Variants in AIM2 observed in about 807,000 individuals in gnomAD.
AIM2 encodes absent in melanoma 2.
A neutral mutation model predicts 27.7 loss-of-function variants in AIM2; 30 were observed. The ratio of observed to expected loss-of-function variants is 1.08; its 90% CI spans 0.81 to 1.47. The LOEUF is 1.47. Ranked by LOEUF, AIM2 falls within the 40% of genes most tolerant of loss-of-function variation. The pLI is 0.00. For missense variants in AIM2, 358 were observed against 411.3 expected (o/e 0.87, Z 1.12); for synonymous variants, 141 against 145.3 (o/e 0.97, Z 0.21).
At chr1:159,140,123 G>A (rs977176504) in intron 1 of AIM2, among the ~76,000 whole-genome samples, 1 of 152,020 alleles carries the variant, frequency 6.6e-6, no homozygotes, top group East Asian at 1.9e-4. Context: ...AGGATAGGCT[G>A]AGTTAACAAT....
At chr1:159,059,556 T>G (rs1655766443), downstream of AIM2, among the ~76,000 whole-genome samples, 2 of 152,192 alleles carry the variant, frequency 1.3e-5, no homozygotes, top group South Asian at 4.1e-4. Context: ...AAAAGGACTG[T>G]TTTATACACA....
rs1656455208 is a variant in AIM2 at position 159,073,386 on chromosome 1, G to T, written c.114C>A (p.Gly38=). 9 of 1,614,044 alleles carry T rather than the reference G, an allele frequency of 5.6e-6. No homozygotes were observed. In the East Asian group the frequency reaches 2.0e-4, roughly 36 times the overall value. ...GTATTCTGTTTGCAGTATGTAGTTTGCCTGTGGCAATATTAAACTCGTCTG... is the reference window on the plus strand; with the variant it reads ...GTATTCTGTTTGCAGTATGTAGTTTTCCTGTGGCAATATTAAACTCGTCTG... ...FLSDEFNIAT[G]KLHTANRIQV... is the part of the protein sequence containing the mutation. Residue 38 remains glycine (G), a synonymous_variant, in exon 2 of 6, where the codon GGC becomes GGA. Transcript: ENST00000368130.
the AIM2 span, among the ~76,000 whole-genome samples, chr1:159,056,835 C>T: frequency 1.3e-5 from 2 of 150,682 alleles, no homozygotes; most frequent in Non-Finnish European, 1.5e-5. Context: ...TTAAACTCTT[C>T]CCAGTTTGGA....
downstream of AIM2, among the ~76,000 whole-genome samples, chr1:159,057,535 G>A (rs1655703792): frequency 6.6e-6 from 1 of 152,180 alleles, no homozygotes; most frequent in Non-Finnish European, 1.5e-5. Context: ...CCCATCACCT[G>A]GCAGGATTTT....
intron 1 of AIM2, among the ~76,000 whole-genome samples, chr1:159,120,762 C>A (rs1411730822): frequency 1.3e-5 from 2 of 152,160 alleles, no homozygotes; most frequent in Non-Finnish European, 1.5e-5. Flanking sequence ...TGGTTATGGA[C>A]ATCCAGTGTT....
At chr1:159,055,069 T>G in the AIM2 span, 3 of 388,006 alleles carry the variant, frequency 7.7e-6, no homozygotes, top group Non-Finnish European at 1.4e-5. Context: ...TTTTTCATAG[T>G]TTTTTTTTAA....
chr1:159,097,899 G>C (rs567473662), intron 1 of AIM2, among the ~76,000 whole-genome samples: 1 of 152,256 alleles, frequency 6.6e-6, no homozygotes, highest in African/African-American at 2.4e-5. Flanking sequence ...ACGCCATTCT[G>C]AGACAGTGTT....
At chr1:159,141,514 T>C (rs951193258), upstream of AIM2, among the ~76,000 whole-genome samples, 1 of 150,796 alleles carries the variant, frequency 6.6e-6, no homozygotes, top group Non-Finnish European at 1.5e-5. Flanking sequence ...AGGAAAAGGG[T>C]TTCCTTTCTC....
chr1:159,099,394 G>A (rs1341338807), intron 1 of AIM2, among the ~76,000 whole-genome samples: 1 of 152,120 alleles, frequency 6.6e-6, no homozygotes, highest in African/African-American at 2.4e-5. Flanking sequence ...AGAAACTAGA[G>A]GTGAAAGCAA....
intron 1 of AIM2, among the ~76,000 whole-genome samples, chr1:159,113,655 T>A (rs187214250): frequency 2.6e-5 from 4 of 152,334 alleles, no homozygotes; most frequent in East Asian, 3.9e-4. Context: ...TCCTCCTAAT[T>A]TTCTGATTAG....
chr1:159,076,948 A>G (rs1301916671), upstream of AIM2: 2 of 152,192 alleles, frequency 1.3e-5, no homozygotes, highest in Non-Finnish European at 2.9e-5. Context: ...CACTGATTGG[A>G]AACAGAAAGT....
intron 1 of AIM2, among the ~76,000 whole-genome samples, chr1:159,091,748 TG>T: frequency 6.6e-6 from 1 of 152,228 alleles, no homozygotes; most frequent in Admixed American, 6.5e-5. Flanking sequence ...TGAGTGTGTG[TG>T]TGTTCACTGA....
In AIM2 at chr1:159,066,272, G is replaced by T. The variant is rs149819770; in HGVS notation, c.454C>A (p.Arg152Ser). The stretch of plus-strand genomic sequence containing the variant: ...TTCAGTACCATAACTGGCAAACAGC[G>T]CTTCTGAAACCCTTCTCTGATAGAT... ...QESIREGFQKRCLPVMVLKAK... is the reference protein window; with the variant it reads ...QESIREGFQKSCLPVMVLKAK... Residue 152 changes from arginine (R) to serine (S), a missense_variant, in exon 4 of 6, where the codon CGC (arginine) becomes AGC (serine). Physicochemically the swap from Arg to Ser is moderately radical, Grantham distance 110. Transcript: ENST00000368130. 8 of 1,614,114 alleles carry T rather than the reference G, an allele frequency of 5.0e-6. No individual in the cohort carries two copies. The highest frequency in any genetic ancestry group is 6.8e-6 in the Non-Finnish European group (8 of 1,180,034).
At chr1:159,086,077 T>C (rs766586439) in intron 1 of AIM2, among the ~76,000 whole-genome samples, 2 of 152,158 alleles carry the variant, frequency 1.3e-5, no homozygotes, top group Admixed American at 1.3e-4. Context: ...GAAAGAAGGA[T>C]AGGGCTCAGA....
chr1:159,115,062 A>T (rs949469188), intron 1 of AIM2, among the ~76,000 whole-genome samples: 7 of 152,086 alleles, frequency 4.6e-5, no homozygotes, highest in Admixed American at 1.3e-4. Flanking sequence ...GAGCCAAACC[A>T]TGAGTGAACT....
rs1464182115 is a variant in AIM2 at position 159,066,323 on chromosome 1, G to A, written c.403C>T (p.Gln135Ter). 6.2e-7 allele frequency: 1 copy of A among 1,608,968 alleles called. No individual in the cohort carries two copies. Among genetic ancestry groups the A allele is most frequent in the South Asian group, 1.1e-5 (1 of 90,346 alleles). Residue 135 changes from glutamine to a stop codon, truncating the protein, a stop_gained, in exon 4 of 6, where the codon CAG becomes TAG. Transcript: ENST00000368130. LOFTEE classifies it high-confidence loss of function. Reference sequence around the variant, plus strand: ...TCCTGCTGGGCCACCATCTGTTTCTGTTCAGGCTGAAGACAAGAGAAGAAA... The same window carrying A: ...TCCTGCTGGGCCACCATCTGTTTCTATTCAGGCTGAAGACAAGAGAAGAAA... Reference protein sequence around the residue: ...PKVSPHVKPEQKQMVAQQESI... With the variant: ...PKVSPHVKPE
intron 2 of AIM2, among the ~76,000 whole-genome samples, chr1:159,070,575 T>C (rs773633657): frequency 6.6e-6 from 1 of 152,264 alleles, no homozygotes; most frequent in African/African-American, 2.4e-5. Context: ...TTATTTCTGA[T>C]AGAATTTGAA....
At position 159,062,583 on chromosome 1, in the gene AIM2, G is replaced by T; in HGVS notation, c.*109C>A. The T allele has an allele frequency of 9.7e-7, 1 of 1,031,924 alleles. No individual in the cohort carries two copies. Among genetic ancestry groups the T allele is most frequent in the Non-Finnish European group, 1.5e-6 (1 of 674,724 alleles). 63.9% of individuals were successfully genotyped at this position (1,031,924 alleles called of 1,614,324 possible). On this transcript the variant is annotated 3_prime_UTR_variant, in exon 6 of 6. Transcript: ENST00000368130. ...TAATTTGGTGGAGAGAGGAGCCTGTGAACTGCAGCTTTCAGGTAACTTACA... is the reference window on the plus strand; with the variant it reads ...TAATTTGGTGGAGAGAGGAGCCTGTTAACTGCAGCTTTCAGGTAACTTACA...
Position 159,128,410 on chromosome 1 carries a change from T to C in AIM2, c.-16+12021A>G, listed in dbSNP as rs56348762. Among the ~76,000 whole-genome samples, 732 of 152,292 alleles carry C rather than the reference T, an allele frequency of 4.8e-3. 5 individuals are homozygous for C. The highest frequency in any genetic ancestry group is 0.01 in the Middle Eastern group (3 of 294). Reference sequence around the variant, plus strand: ...CCATTAAACTTCTATTTGCCTTTACTGCAACCACTAATCCAGATTTTTTTG... The same window carrying C: ...CCATTAAACTTCTATTTGCCTTTACCGCAACCACTAATCCAGATTTTTTTG... On this transcript the variant is annotated intron_variant, in intron 1 of 2. Transcript: ENST00000368129.
Sources: gnomAD v4.1 joint callset for allele counts (sites outside exome capture counted in the v4.1 genomes callset) on GRCh38, gnomAD v4.1.1 for gene constraint, MANE v1.5 for transcripts, NCBI Gene and HGNC (gene_info 2026-07-23, HGNC 2026-07-21) for gene names.